The following NR6A1 variants were observed in gnomAD, a reference collection of about 807,000 sequenced individuals.
NR6A1 encodes the protein nuclear receptor subfamily 6 group A member 1.
A neutral mutation model predicts 59.1 loss-of-function variants in NR6A1; 7 were observed. The ratio of observed to expected loss-of-function variants is 0.12; its 90% CI spans 0.07 to 0.22. The LOEUF is 0.22. NR6A1 is among the 10% of genes least tolerant of loss of function. The pLI is 1.00. For missense variants in NR6A1, 468 were observed against 611.6 expected, an observed-to-expected ratio of 0.77 and a Z score of 2.48; for synonymous variants, 243 against 236.1, an observed-to-expected ratio of 1.03 and a Z score of -0.27.
At chr9:124,623,981 T>A (rs1356352687) in intron 2 of NR6A1, among the ~76,000 whole-genome samples, 1 of 152,188 alleles carries the variant, frequency 6.6e-6, no homozygotes, top group African/African-American at 2.4e-5. Context: ...CAGAGTCTTT[T>A]AAGTCTGAAT....
chr9:124,662,963 C>T (rs1174084885), intron 2 of NR6A1, among the ~76,000 whole-genome samples: 1 of 152,168 alleles, frequency 6.6e-6, no homozygotes, highest in African/African-American at 2.4e-5. Context: ...ACTTAAAAAG[C>T]TATATTAGAA....
intron 2 of NR6A1, among the ~76,000 whole-genome samples, chr9:124,563,088 G>T (rs1471388930): frequency 6.6e-6 from 1 of 152,082 alleles, no homozygotes; most frequent in Admixed American, 6.5e-5. Context: ...GTAAAATCTG[G>T]CACAATGAAT....
At chr9:124,751,400 C>G (rs1319362271) in intron 1 of NR6A1, among the ~76,000 whole-genome samples, 1 of 152,098 alleles carries the variant, frequency 6.6e-6, no homozygotes, top group Non-Finnish European at 1.5e-5. Flanking sequence ...GGTAAAAATT[C>G]TTCTAGATAG....
At chr9:124,552,746 T>C (rs995460647) in intron 3 of NR6A1, among the ~76,000 whole-genome samples, 1 of 152,206 alleles carries the variant, frequency 6.6e-6, no homozygotes, top group Non-Finnish European at 1.5e-5. Context: ...ATGTATTCAG[T>C]GGTAGAATAT....
At chr9:124,561,051 T>C (rs755656789) in intron 2 of NR6A1, among the ~76,000 whole-genome samples, 2 of 152,158 alleles carry the variant, frequency 1.3e-5, no homozygotes, top group African/African-American at 2.4e-5. Context: ...CCCAGCACTT[T>C]GTAAGAGTGA....
Position 124,592,604 on chromosome 9 carries a change from G to A in NR6A1, c.143-38034C>T, listed in dbSNP as rs143507695. On this transcript the variant is annotated intron_variant, in intron 2 of 9. Coordinates refer to ENST00000487099, the MANE Select transcript of NR6A1 (RefSeq NM_033334.4). The stretch of plus-strand genomic sequence containing the variant: ...AGATATTTTTCCTAGCCTCAAAATT[G>A]TCCAGATTATGTCAGTTTTCAACTC... 7.9e-5 allele frequency among the ~76,000 whole-genome samples: 12 copies of A among 152,250 alleles called. No individual in the cohort carries two copies. The East Asian group carries it at 1.9e-3, about 24-fold the overall frequency.
intron 2 of NR6A1, among the ~76,000 whole-genome samples, chr9:124,638,235 A>AGAG (rs1038605356): frequency 9.2e-5 from 14 of 151,974 alleles, no homozygotes; most frequent in African/African-American, 3.1e-4. Flanking sequence ...CAACCTGGGT[A>AGAG]GAGTGAGACA....
intron 3 of NR6A1, among the ~76,000 whole-genome samples, chr9:124,552,748 G>C (rs1833813693): frequency 6.6e-6 from 1 of 152,108 alleles, no homozygotes; most frequent in Admixed American, 6.5e-5. Flanking sequence ...GTATTCAGTG[G>C]TAGAATATAT....
At chr9:124,537,126 T>C (rs1162552147) in intron 6 of NR6A1, among the ~76,000 whole-genome samples, 1 of 149,658 alleles carries the variant, frequency 6.7e-6, no homozygotes, top group Non-Finnish European at 1.5e-5. Flanking sequence ...AGAGCTGGAG[T>C]GCAGTGGCGC....
chr9:124,768,230 A>G (rs992140331), intron 1 of NR6A1, among the ~76,000 whole-genome samples: 2 of 152,260 alleles, frequency 1.3e-5, no homozygotes, highest in African/African-American at 4.8e-5. Flanking sequence ...CCCTATCTGT[A>G]TAGTTGTCTC....
intron 2 of NR6A1, chr9:124,599,568 T>G: frequency 1.0e-6 from 1 of 952,744 alleles, no homozygotes; most frequent in Admixed American, 3.5e-5. Context: ...TGAGTGTCCG[T>G]GGCAGCCGCC....
intron 2 of NR6A1, among the ~76,000 whole-genome samples, chr9:124,585,266 C>A (rs1244340578): frequency 6.6e-6 from 1 of 152,102 alleles, no homozygotes. Context: ...GTGGGCCAGG[C>A]GCAGTGGCTC....
intron 2 of NR6A1, among the ~76,000 whole-genome samples, chr9:124,637,716 C>T (rs1024090985): frequency 2.0e-5 from 3 of 151,628 alleles, no homozygotes; most frequent in African/African-American, 7.3e-5. Context: ...CATGGTGAAA[C>T]CCCATCTCTA....
rs891862359 is a variant in NR6A1 at position 124,730,504 on chromosome 9, G to A, written c.142+2804C>T. Among the ~76,000 whole-genome samples, 8 of 150,982 alleles carry A rather than the reference G, an allele frequency of 5.3e-5. No homozygotes were observed. The East Asian group carries it at 1.6e-3, about 29-fold the overall frequency. On this transcript the variant is annotated intron_variant, in intron 2 of 9. Transcript: ENST00000487099. Reference sequence around the variant, plus strand: ...CCCGCTTTGGCCTCCCAAAGTGCTGGAATTACAGGCATGAGCCATCATGCC... The same window carrying A: ...CCCGCTTTGGCCTCCCAAAGTGCTGAAATTACAGGCATGAGCCATCATGCC...
chr9:124,672,247 T>C (rs1837814318), intron 2 of NR6A1, among the ~76,000 whole-genome samples: 1 of 152,214 alleles, frequency 6.6e-6, no homozygotes, highest in Non-Finnish European at 1.5e-5. Context: ...CTATTACAGA[T>C]AATGCTATGA....
chr9:124,763,156 C>CATGTATTTTGTCCATGT (rs1840827301), intron 1 of NR6A1, among the ~76,000 whole-genome samples: 1 of 152,184 alleles, frequency 6.6e-6, no homozygotes, highest in Admixed American at 6.5e-5. Flanking sequence ...TGTACTTTTC[C>CATGTATTTTGTCCATGT]ATTTTGTCAC....
chr9:124,629,638 CCT>C (rs1394986515), intron 2 of NR6A1, among the ~76,000 whole-genome samples: 3 of 152,160 alleles, frequency 2.0e-5, no homozygotes, highest in Non-Finnish European at 1.5e-5. Flanking sequence ...CCCTGTTAGG[CCT>C]CTCACTTTCT....
chr9:124,637,749 G>A (rs774958672), intron 2 of NR6A1, among the ~76,000 whole-genome samples: 29 of 151,990 alleles, frequency 1.9e-4, no homozygotes, highest in Middle Eastern at 3.4e-3. Context: ...AAAATTAGCC[G>A]GGTGTGTTGG....
Position 124,522,665 on chromosome 9 carries a change from A to T in NR6A1, c.*40T>A. 6.6e-7 allele frequency: 1 copy of T among 1,519,500 alleles called. No homozygotes were observed. Among genetic ancestry groups the T allele is most frequent in the Admixed American group, 2.0e-5 (1 of 51,000 alleles). 94.1% of individuals were successfully genotyped at this position (1,519,500 alleles called of 1,614,324 possible). ...CCTCCAGAGCCTGTCCTGCCCACCCAAGACGCTGTGGTTGGCCTGAGGAGG... is the reference window on the plus strand; with the variant it reads ...CCTCCAGAGCCTGTCCTGCCCACCCTAGACGCTGTGGTTGGCCTGAGGAGG... On this transcript the variant is annotated 3_prime_UTR_variant, in exon 10 of 10. Transcript: ENST00000487099.
Sources: allele counts gnomAD v4.1 joint callset (sites outside exome capture counted in the v4.1 genomes callset), GRCh38; gene constraint gnomAD v4.1.1; transcripts MANE v1.5; gene names NCBI Gene and HGNC (gene_info 2026-07-23, HGNC 2026-07-21).